Variants in C2CD2 observed in about 807,000 individuals in gnomAD.
The protein encoded by C2CD2 is C2 calcium dependent domain containing 2, also known as C2 domain-containing protein 2.
A neutral mutation model predicts 74.3 loss-of-function variants in C2CD2; 43 were observed. That is an observed-to-expected ratio of 0.58 (90% CI 0.45 to 0.75). The LOEUF (loss-of-function observed/expected upper bound fraction) is 0.75. Ranked by LOEUF, C2CD2 falls within the 30% of genes least tolerant of loss-of-function variation. C2CD2 has a pLI of 0.00. For synonymous variants in C2CD2, 422 were observed against 390.7 expected (o/e 1.08, Z -0.94); for missense variants, 801 against 916.3 (o/e 0.87, Z 1.63).
intron 3 of C2CD2, 37 bp from the exon 4 acceptor site, chr21:41,918,997 C>T: frequency 6.7e-7 from 1 of 1,483,678 alleles, no homozygotes; most frequent in Non-Finnish European, 9.4e-7. Flanking sequence ...CCACTCTTTC[C>T]ACCAAAGCCT....
At position 41,945,278 on chromosome 21, in the gene C2CD2, T is replaced by C. The variant is rs749397054; in HGVS notation, c.280-3033A>G. On this transcript the variant is annotated intron_variant, in intron 1 of 13. Coordinates refer to ENST00000380486, the MANE Select transcript of C2CD2 (RefSeq NM_015500.2). This position sits in a 1 kb window ranked among gnomAD's most constrained non-coding sequence, Gnocchi z 4.2. Reference sequence around the variant, plus strand: ...ACACAGAGAGAAATACACAGAAATATAGACATGCGCACACACGTTGGTATA... The same window carrying C: ...ACACAGAGAGAAATACACAGAAATACAGACATGCGCACACACGTTGGTATA... Among the ~76,000 whole-genome samples, 3 of 152,032 alleles carry C rather than the reference T, an allele frequency of 2.0e-5. No individual in the cohort carries two copies. The highest frequency in any genetic ancestry group is 2.1e-4 in the South Asian group (1 of 4,820).
chr21:41,937,303 G>A (rs868696537), intron 2 of C2CD2, among the ~76,000 whole-genome samples: 1 of 151,234 alleles, frequency 6.6e-6, no homozygotes, highest in Admixed American at 6.6e-5. Flanking sequence ...ATTTTTAGTA[G>A]AGACAGGGTT....
chr21:41,895,712 T>C lies in C2CD2; in HGVS notation c.1870+3341A>G, dbSNP rs959144249. On this transcript the variant is annotated intron_variant, in intron 13 of 13. Transcript: ENST00000380486. This position sits in a 1 kb window ranked among gnomAD's most constrained non-coding sequence, Gnocchi z 5.0. ...ATTTAAACATAATTAATCTAAATTA[T>C]AGCTCTAATGTCATAAATATTTCCA... Among the ~76,000 whole-genome samples the C allele has an allele frequency of 6.6e-6, 1 of 152,232 alleles. No homozygotes were observed.
In C2CD2 at chr21:41,914,758, T is replaced by C. The variant is rs756379151; in HGVS notation, c.721-37A>G. The C allele has an allele frequency of 6.9e-6, 11 of 1,596,924 alleles. No individual in the cohort carries two copies. The South Asian group carries it at 1.1e-4, about 16-fold the overall frequency. ...AAGAGCACTTTATTTTTGGTCTTCA[T>C]GGGGAGATTGAGGGCCAAGGAAGTA... On this transcript the variant is annotated intron_variant, in intron 5 of 13. Transcript: ENST00000380486.
At chr21:41,942,404 C>G (rs3746910) in intron 1 of C2CD2, among the ~76,000 whole-genome samples, 159 bp from the exon 2 acceptor site, 75,523 of 152,088 alleles carry the variant, frequency 0.5, 19,849 homozygotes, top group Middle Eastern at 0.63. Flanking sequence ...ATATCAGGAG[C>G]TCTGCACATC....
At chr21:41,920,578 C>A (rs572028068) in intron 3 of C2CD2, among the ~76,000 whole-genome samples, 1 of 152,336 alleles carries the variant, frequency 6.6e-6, no homozygotes, top group East Asian at 1.9e-4. Context: ...TGTTTTGACA[C>A]AGACAGCTCA....
At chr21:41,904,798 G>C (rs565408343) in intron 11 of C2CD2, among the ~76,000 whole-genome samples, 29 of 152,328 alleles carry the variant, frequency 1.9e-4, no homozygotes, top group African/African-American at 6.7e-4. Context: ...ACAGGACTCA[G>C]CGAATGTGGG....
chr21:41,952,720 T>C (rs1341738197), intron 1 of C2CD2, among the ~76,000 whole-genome samples: 6 of 152,270 alleles, frequency 3.9e-5, no homozygotes, highest in Admixed American at 2.6e-4. Flanking sequence ...ATGCCAGCTC[T>C]GCCGCCCACG....
At chr21:41,910,445 C>T (rs2065014151) in intron 7 of C2CD2, among the ~76,000 whole-genome samples, 1 of 152,192 alleles carries the variant, frequency 6.6e-6, no homozygotes. Flanking sequence ...CGACGGATGG[C>T]ATCCAGAATG....
In C2CD2 at chr21:41,892,683, C is replaced by T. The variant is rs1203296245; in HGVS notation, c.1871-3339G>A. ...GAGCATTTTTCAAAAGTTCCCAGGT[C>T]TTTTGAACATGCAGCTGGGGTTATC... On this transcript the variant is annotated intron_variant, in intron 13 of 13. Transcript: ENST00000380486. This position sits in a 1 kb window ranked among gnomAD's most constrained non-coding sequence, Gnocchi z 4.6. 1.3e-5 allele frequency among the ~76,000 whole-genome samples: 2 copies of T among 152,310 alleles called. No homozygotes were observed. The highest frequency in any genetic ancestry group is 6.5e-5 in the Admixed American group (1 of 15,302).
chr21:41,908,018 T>TG, intron 8 of C2CD2: 1 of 527,032 alleles, frequency 1.9e-6, no homozygotes, highest in Non-Finnish European at 3.4e-6. Flanking sequence ...GCAGGCAATG[T>TG]CCGGCCCTGT....
At chr21:41,915,828 G>C (rs8127976) in intron 5 of C2CD2, among the ~76,000 whole-genome samples, 1,689 of 151,836 alleles carry the variant, frequency 0.011, 32 homozygotes, top group African/African-American at 0.039. Flanking sequence ...TAAGTTTTAG[G>C]GTACATGTGC....
In C2CD2 at chr21:41,920,822, A is replaced by G. The variant is rs569763455; in HGVS notation, c.492+1150T>C. ...TGATATAATAAACACAATGTCAGAA[A>G]TGACATTTCTTCATTTGTGTTTGTG... On this transcript the variant is annotated intron_variant, in intron 3 of 13. Transcript: ENST00000380486. Among the ~76,000 whole-genome samples the G allele has an allele frequency of 7.2e-5, 11 of 152,364 alleles. No homozygotes were observed. The East Asian group carries it at 1.9e-3, about 27-fold the overall frequency.
intron 10 of C2CD2, among the ~76,000 whole-genome samples, chr21:41,906,482 C>T (rs1372709944): frequency 3.3e-5 from 5 of 152,248 alleles, no homozygotes; most frequent in African/African-American, 9.6e-5. Context: ...TCTCCTGCCT[C>T]GGCCTCCAGA....
Position 41,917,030 on chromosome 21 carries a change from C to T in C2CD2, c.720+1075G>A, listed in dbSNP as rs1457942882. On this transcript the variant is annotated intron_variant, in intron 5 of 13. Transcript: ENST00000380486. Reference sequence around the variant, plus strand: ...GCCTGGTCCCCTCCATTTGGAGAGGCTGAGTGCCCCCAGGCCTCAGGCCCC... The same window carrying T: ...GCCTGGTCCCCTCCATTTGGAGAGGTTGAGTGCCCCCAGGCCTCAGGCCCC... Among the ~76,000 whole-genome samples the T allele has an allele frequency of 3.3e-5, 5 of 152,214 alleles. No individual in the cohort carries two copies. The South Asian group carries it at 8.3e-4, about 25-fold the overall frequency.
intron 13 of C2CD2, among the ~76,000 whole-genome samples, chr21:41,889,888 C>T (rs1271911498): frequency 6.6e-6 from 1 of 152,152 alleles, no homozygotes; most frequent in African/African-American, 2.4e-5. Flanking sequence ...ACCCCTCCCT[C>T]AGCCTCCCAA....
At chr21:41,944,610 A>T (rs554265405) in intron 1 of C2CD2, among the ~76,000 whole-genome samples, 6 of 152,180 alleles carry the variant, frequency 3.9e-5, no homozygotes, top group Admixed American at 2.6e-4. Context: ...TAAGTTATTA[A>T]GAGAGATTGC....
At position 41,889,107 on chromosome 21, in the gene C2CD2, G is replaced by A. The variant is rs770227317; in HGVS notation, c.*17C>T. ...ATGGGTGCACGTCTTCTGGCTTGGA[G>A]GTGATGACCTCAGGCCCTACGTGCA... On this transcript the variant is annotated 3_prime_UTR_variant, in exon 14 of 14. Transcript: ENST00000380486. The A allele has an allele frequency of 7.5e-6, 12 of 1,598,224 alleles. No homozygotes were observed. The South Asian group carries it at 1.3e-4, about 18-fold the overall frequency.
rs1445329729 is a variant in C2CD2, at chr21:41,892,750, G to C, written c.1871-3406C>G. On this transcript the variant is annotated intron_variant, in intron 13 of 13. Transcript: ENST00000380486. The surrounding 1 kb of genome is among the most constrained non-coding windows in gnomAD (Gnocchi z 4.6). ...CTGGCCAAAATGCCACTAGTGCTTA[G>C]AGCACTCGGAGGCCACAGCCGACAA... is the stretch of plus-strand genomic sequence containing the variant. Among the ~76,000 whole-genome samples the C allele has an allele frequency of 6.6e-6, 1 of 152,242 alleles. No homozygotes were observed. The highest frequency in any genetic ancestry group is 1.5e-5 in the Non-Finnish European group (1 of 68,034).
Sources: allele counts gnomAD v4.1 joint callset (sites outside exome capture counted in the v4.1 genomes callset), GRCh38; gene constraint gnomAD v4.1.1; non-coding constraint Gnocchi (gnomAD v3.1); transcripts MANE v1.5; gene names NCBI Gene and HGNC (gene_info 2026-07-23, HGNC 2026-07-21).